Variants in KLF12 observed in about 807,000 individuals in gnomAD.
The protein encoded by KLF12 is KLF transcription factor 12.
In KLF12, 9 loss-of-function variants were observed where a neutral mutation model predicts 37.8. That is an observed-to-expected ratio of 0.24 (90% CI 0.14 to 0.42). The LOEUF (loss-of-function observed/expected upper bound fraction) is 0.42, where lower values mean the gene tolerates loss of function less well. Among genes scored for constraint, KLF12 ranks in the 10% least tolerant of loss-of-function variants. The pLI is 1.00. For missense variants in KLF12, 411 were observed against 516.0 expected, an observed-to-expected ratio of 0.80 and a Z score of 1.97; for synonymous variants, 208 against 202.1, an observed-to-expected ratio of 1.03 and a Z score of -0.25.
the KLF12 span, among the ~76,000 whole-genome samples, chr13:74,275,874 C>CTTT: frequency 8.2e-4 from 69 of 84,530 alleles, no homozygotes; most frequent in African/African-American, 3.0e-3. Flanking sequence ...TTCTATCTTT[C>CTTT]TTTCTTCTTT....
At chr13:74,254,934 C>T in the KLF12 span, among the ~76,000 whole-genome samples, 1 of 152,078 alleles carries the variant, frequency 6.6e-6, no homozygotes, top group African/African-American at 2.4e-5. Context: ...GACCATAGAG[C>T]TCAAGAGGGA....
intron 6 of KLF12, among the ~76,000 whole-genome samples, chr13:73,759,186 C>A (rs1365286069): frequency 3.9e-5 from 6 of 152,112 alleles, no homozygotes; most frequent in Non-Finnish European, 2.9e-5. Context: ...TTGGAGACAG[C>A]ATGCTTCCAA....
chr13:74,031,787 C>A (rs116137842), intron 1 of KLF12, among the ~76,000 whole-genome samples: 7,721 of 95,522 alleles, frequency 0.081, 289 homozygotes, highest in African/African-American at 0.17. Context: ...TCTTTTCCAA[C>A]AAATACAAAT....
chr13:73,813,349 G>A, intron 4 of KLF12, 62 bp from the exon 5 acceptor site: 1 of 1,566,254 alleles, frequency 6.4e-7, no homozygotes. Flanking sequence ...ACCTTGTCCT[G>A]GACCAACATC....
In KLF12 at chr13:73,846,393, A is replaced by G. The variant is rs767018745; in HGVS notation, c.124-20T>C. On this transcript the variant is annotated intron_variant, in intron 3 of 7. Coordinates refer to ENST00000377669, the MANE Select transcript of KLF12 (RefSeq NM_007249.5). ...TGGAGACTGTGGGGAGAAAAATGGA[A>G]CATATATTTATCTTTGTTTATCACA... 187 of 1,585,956 alleles carry G rather than the reference A, an allele frequency of 1.2e-4. No homozygotes were observed. Among genetic ancestry groups the G allele is most frequent in the Non-Finnish European group, 1.5e-4 (171 of 1,165,024 alleles).
chr13:73,750,504 A>T (rs1878667231), intron 6 of KLF12, among the ~76,000 whole-genome samples: 1 of 152,202 alleles, frequency 6.6e-6, no homozygotes. Context: ...AACATTACAC[A>T]CGGGCCAACA....
chr13:74,000,945 C>A (rs941095103), intron 1 of KLF12, among the ~76,000 whole-genome samples: 1 of 152,130 alleles, frequency 6.6e-6, no homozygotes, highest in African/African-American at 2.4e-5. Context: ...ACTGCATAGT[C>A]AAAAATCTGA....
intron 1 of KLF12, among the ~76,000 whole-genome samples, chr13:74,000,335 G>C (rs1397576677): frequency 6.6e-6 from 1 of 152,100 alleles, no homozygotes; most frequent in Non-Finnish European, 1.5e-5. Flanking sequence ...TCCACTCTAG[G>C]ATCTCAGAGT....
chr13:73,928,373 G>A (rs1178430843), intron 3 of KLF12, among the ~76,000 whole-genome samples: 4 of 152,122 alleles, frequency 2.6e-5, no homozygotes, highest in African/African-American at 9.7e-5. Context: ...TGTGATACAT[G>A]GTGACCACAA....
intron 3 of KLF12, among the ~76,000 whole-genome samples, chr13:73,875,128 T>C (rs968173026): frequency 7.0e-6 from 1 of 142,268 alleles, no homozygotes; most frequent in Non-Finnish European, 1.5e-5. Context: ...CGCCAATCAA[T>C]ACTAAAAAAA....
chr13:73,930,190 G>T (rs1171085157), intron 3 of KLF12, among the ~76,000 whole-genome samples: 3 of 152,116 alleles, frequency 2.0e-5, no homozygotes, highest in East Asian at 1.9e-4. Flanking sequence ...TTCAAAAATT[G>T]CAAGTGCCAG....
At chr13:73,952,894 T>C (rs1890695317) in intron 2 of KLF12, among the ~76,000 whole-genome samples, 2 of 151,920 alleles carry the variant, frequency 1.3e-5, no homozygotes, top group African/African-American at 2.4e-5. Context: ...CAACAGGACA[T>C]GGGAAGAGGT....
intron 2 of KLF12, among the ~76,000 whole-genome samples, chr13:73,990,610 T>G (rs1372171345): frequency 6.6e-6 from 1 of 152,186 alleles, no homozygotes; most frequent in Admixed American, 6.5e-5. Context: ...AGGAAGAAAC[T>G]TTGTTAATTT....
chr13:73,988,853 T>C (rs1199063876), intron 2 of KLF12, among the ~76,000 whole-genome samples: 1 of 152,232 alleles, frequency 6.6e-6, no homozygotes, highest in Non-Finnish European at 1.5e-5. Context: ...TGAGCACTAG[T>C]AACTACCAGG....
At chr13:74,019,453 G>T (rs1892785185) in intron 1 of KLF12, among the ~76,000 whole-genome samples, 1 of 152,142 alleles carries the variant, frequency 6.6e-6, no homozygotes, top group Non-Finnish European at 1.5e-5. Flanking sequence ...AATTATCACA[G>T]AGAAAGCAGT....
chr13:74,106,307 A>G (rs1763303781), intron 1 of KLF12, among the ~76,000 whole-genome samples: 1 of 152,196 alleles, frequency 6.6e-6, no homozygotes, highest in African/African-American at 2.4e-5. Context: ...AGACACTAAA[A>G]GTGGTGTCAA....
At chr13:73,895,486 C>T (rs998605320) in intron 3 of KLF12, among the ~76,000 whole-genome samples, 1 of 152,130 alleles carries the variant, frequency 6.6e-6, no homozygotes, top group Non-Finnish European at 1.5e-5. Flanking sequence ...ATATTTAAGA[C>T]CTGAAACATT....
intron 1 of KLF12, among the ~76,000 whole-genome samples, chr13:74,003,508 A>G (rs1892333311): frequency 6.6e-6 from 1 of 152,216 alleles, no homozygotes; most frequent in African/African-American, 2.4e-5. Flanking sequence ...CTGAAAGTCT[A>G]ACTTCTGTGT....
At chr13:74,295,992 T>A in the KLF12 span, among the ~76,000 whole-genome samples, 34 of 151,934 alleles carry the variant, frequency 2.2e-4, no homozygotes, top group Middle Eastern at 6.8e-3. Context: ...TTTTTTTTTT[T>A]TATATTTTTT....
Sources: gnomAD v4.1 joint callset for allele counts (sites outside exome capture counted in the v4.1 genomes callset) on GRCh38, gnomAD v4.1.1 for gene constraint, MANE v1.5 for transcripts, NCBI Gene and HGNC (gene_info 2026-07-23, HGNC 2026-07-21) for gene names.